The following MYO16 variants were observed in gnomAD, a reference collection of about 807,000 sequenced individuals.
MYO16 encodes unconventional myosin-XVI.
Under a neutral mutation model 205.3 loss-of-function variants are expected in MYO16, and 94 were observed. The ratio of observed to expected loss-of-function variants is 0.46; its 90% CI spans 0.39 to 0.54. MYO16 has a LOEUF of 0.54. MYO16 is among the 20% of genes least tolerant of loss of function. MYO16 has a pLI of 0.00. For synonymous variants in MYO16, 988 were observed against 954.0 expected (o/e 1.04, Z -0.66); for missense variants, 2,315 against 2,387.5 (o/e 0.97, Z 0.63).
At chr13:108,532,751 A>G in the MYO16 span, among the ~76,000 whole-genome samples, 10 of 152,192 alleles carry the variant, frequency 6.6e-5, no homozygotes, top group Admixed American at 6.5e-4. Flanking sequence ...TGATTGCATC[A>G]CTGCACTCCA....
At chr13:108,744,496 G>A (rs748331237) in intron 4 of MYO16, among the ~76,000 whole-genome samples, 11 of 152,004 alleles carry the variant, frequency 7.2e-5, no homozygotes, top group East Asian at 1.9e-4. Context: ...TTCCTCTCAC[G>A]TTTACACTGA....
At chr13:109,060,684 G>T (rs1887563974) in intron 27 of MYO16, among the ~76,000 whole-genome samples, 1 of 152,132 alleles carries the variant, frequency 6.6e-6, no homozygotes, top group Non-Finnish European at 1.5e-5. Context: ...TGTCATCCAT[G>T]CTTTGTTATT....
chr13:108,663,655 A>G (rs571284526), intron 1 of MYO16, among the ~76,000 whole-genome samples: 5 of 152,298 alleles, frequency 3.3e-5, no homozygotes, highest in African/African-American at 1.2e-4. Flanking sequence ...GGAAAACTCA[A>G]TGAATCATGA....
At chr13:109,201,169 A>T (rs1157381177) in intron 34 of MYO16, among the ~76,000 whole-genome samples, 1 of 152,132 alleles carries the variant, frequency 6.6e-6, no homozygotes, top group Non-Finnish European at 1.5e-5. Flanking sequence ...CTGTTACATT[A>T]ACTTTGATTA....
At chr13:108,630,682 C>T (rs9583269) in intron 1 of MYO16, among the ~76,000 whole-genome samples, 51,028 of 152,002 alleles carry the variant, frequency 0.34, 8,596 homozygotes, top group South Asian at 0.44. Context: ...ATGACATTTG[C>T]AGAAAATGGT....
upstream of MYO16, among the ~76,000 whole-genome samples, chr13:108,593,397 C>T (rs893448917): frequency 5.9e-5 from 9 of 152,058 alleles, no homozygotes; most frequent in Non-Finnish European, 1.2e-4. Context: ...AATCAGTTCC[C>T]GGAGGGAGCT....
rs147287394 is a variant in MYO16, at chr13:109,137,861, C to T, written c.4052-2403C>T. 1.5e-4 allele frequency among the ~76,000 whole-genome samples: 23 copies of T among 152,324 alleles called. No homozygotes were observed. In the East Asian group the frequency reaches 4.4e-3, roughly 29 times the overall value. ...CTTCTCAAATTACAACCCTGCCCTA[C>T]CAAGCCCAGCACAAACACACACAGT... On this transcript the variant is annotated intron_variant, in intron 31 of 34. Transcript: ENST00000457511.
chr13:108,763,666 T>C (rs569661510), intron 4 of MYO16, among the ~76,000 whole-genome samples: 25 of 152,178 alleles, frequency 1.6e-4, no homozygotes, highest in African/African-American at 5.8e-4. Context: ...CGAAATCTTT[T>C]TGTGTGAGAG....
At chr13:108,591,817 T>C (rs533766299), upstream of MYO16, among the ~76,000 whole-genome samples, 7 of 152,184 alleles carry the variant, frequency 4.6e-5, no homozygotes, top group East Asian at 1.2e-3. Context: ...TCTAGCAAAT[T>C]TGGAAAAGGT....
the MYO16 span, among the ~76,000 whole-genome samples, chr13:108,588,731 G>A: frequency 1.3e-5 from 2 of 152,152 alleles, no homozygotes; most frequent in East Asian, 1.9e-4. Context: ...TTGCCAAGGC[G>A]TGACATACAC....
At chr13:109,043,785 A>G (rs1886957315) in intron 23 of MYO16, among the ~76,000 whole-genome samples, 1 of 152,222 alleles carries the variant, frequency 6.6e-6, no homozygotes, top group Non-Finnish European at 1.5e-5. Flanking sequence ...TTTCTAATCT[A>G]CATAACGTGC....
At chr13:108,833,112 A>T (rs527993907) in intron 9 of MYO16, among the ~76,000 whole-genome samples, 327 of 152,170 alleles carry the variant, frequency 2.1e-3, no homozygotes, top group Middle Eastern at 3.4e-3. Context: ...GCTATTAAAA[A>T]TTTTTTTGCA....
At chr13:108,930,342 A>G (rs560163798) in intron 16 of MYO16, among the ~76,000 whole-genome samples, 1 of 152,306 alleles carries the variant, frequency 6.6e-6, no homozygotes, top group African/African-American at 2.4e-5. Flanking sequence ...AAAATCCAGC[A>G]TATCTATGAC....
chr13:109,048,465 G>A (rs1887124613), intron 24 of MYO16: 7 of 554,460 alleles, frequency 1.3e-5, no homozygotes, highest in Non-Finnish European at 1.7e-5. Context: ...TGCACCATAA[G>A]ATCCTTGTTG....
chr13:108,842,512 G>A (rs1333589658), intron 9 of MYO16, among the ~76,000 whole-genome samples: 2 of 152,100 alleles, frequency 1.3e-5, no homozygotes, highest in South Asian at 2.1e-4. Context: ...ATATGAAAAG[G>A]TACTCAACAT....
upstream of MYO16, among the ~76,000 whole-genome samples, chr13:108,595,051 C>A (rs1375727767): frequency 2.0e-5 from 3 of 152,152 alleles, no homozygotes; most frequent in East Asian, 5.8e-4. Context: ...ACTTTAAATT[C>A]TTAAATACAT....
chr13:109,167,484 G>T (rs996253160), intron 33 of MYO16, among the ~76,000 whole-genome samples: 1 of 152,192 alleles, frequency 6.6e-6, no homozygotes, highest in Non-Finnish European at 1.5e-5. Context: ...GAGGCTGGGC[G>T]TAATGGCAGG....
At chr13:108,507,526 A>G in the MYO16 span, among the ~76,000 whole-genome samples, 2 of 151,578 alleles carry the variant, frequency 1.3e-5, no homozygotes, top group East Asian at 1.9e-4. Context: ...ACCAAGTCAC[A>G]TTTTCTTTCT....
chr13:109,200,601 T>C (rs1334076745), intron 34 of MYO16, among the ~76,000 whole-genome samples: 1 of 152,166 alleles, frequency 6.6e-6, no homozygotes, highest in Admixed American at 6.6e-5. Context: ...TTCAGATATT[T>C]TTAGTAAACA....
Sources: allele counts gnomAD v4.1 joint callset (sites outside exome capture counted in the v4.1 genomes callset), GRCh38; gene constraint gnomAD v4.1.1; transcripts MANE v1.5; gene names NCBI Gene and HGNC (gene_info 2026-07-23, HGNC 2026-07-21).